The following NDUFAF5 variants were observed in gnomAD, a reference collection of about 807,000 sequenced individuals.
NDUFAF5 encodes arginine-hydroxylase NDUFAF5, mitochondrial.
A neutral mutation model predicts 48.9 loss-of-function variants in NDUFAF5; 34 were observed. The ratio of observed to expected loss-of-function variants is 0.70; its 90% CI spans 0.53 to 0.93. NDUFAF5 has a LOEUF of 0.93. Among genes scored for constraint, NDUFAF5 ranks in the 40% least tolerant of loss-of-function variants. The pLI is 0.00. For missense variants in NDUFAF5, 428 were observed against 427.5 expected, an observed-to-expected ratio of 1.00 and a Z score of -0.01; for synonymous variants, 153 against 150.6, an observed-to-expected ratio of 1.02 and a Z score of -0.12.
At chr20:13,799,888 G>A (rs76775929) in intron 6 of NDUFAF5, among the ~76,000 whole-genome samples, 6,041 of 152,152 alleles carry the variant, frequency 0.04, 185 homozygotes, top group African/African-American at 0.082. Context: ...AAGATCAAAG[G>A]GAGGAGGCAA....
chr20:13,812,220 C>G (rs1402838682), intron 8 of NDUFAF5, among the ~76,000 whole-genome samples: 2 of 152,190 alleles, frequency 1.3e-5, no homozygotes, highest in Non-Finnish European at 2.9e-5. Context: ...GAGCTTCTGT[C>G]ACTCTGCAAA....
intron 3 of NDUFAF5, among the ~76,000 whole-genome samples, chr20:13,789,219 C>G (rs1406567978): frequency 2.0e-5 from 3 of 151,928 alleles, no homozygotes; most frequent in Non-Finnish European, 4.4e-5. Context: ...GGCTGGAGTA[C>G]AGTGGCACGA....
chr20:13,821,035 C>G lies in NDUFAF5; in HGVS notation c.*3825C>G, dbSNP rs1184378820. ...GAATACATACATGACAGTTATTTTA[C>G]CATGCTGGTTTAAAAAACATCAATT... On this transcript the variant is annotated 3_prime_UTR_variant, in exon 11 of 11. Coordinates refer to ENST00000378106, the MANE Select transcript of NDUFAF5 (RefSeq NM_024120.5). 5 of 152,182 alleles carry G rather than the reference C, an allele frequency of 3.3e-5. 1 individual carries two copies. The highest frequency in any genetic ancestry group is 2.6e-4 in the Admixed American group (4 of 15,280). The allele number at this position is 152,182 out of a possible 1,614,324, so 9.4% of individuals were successfully genotyped here.
At chr20:13,808,737 G>A (rs1985429108) in intron 7 of NDUFAF5, 105 bp from the exon 8 acceptor site, 2 of 691,706 alleles carry the variant, frequency 2.9e-6, no homozygotes, top group Non-Finnish European at 5.1e-6. Context: ...AATATTTTTT[G>A]CTTAGCATGG....
In NDUFAF5 at chr20:13,818,180, GGGCTGTGTGTTA is replaced by G. The variant is rs1986713900; in HGVS notation, c.*972_*983del. The stretch of plus-strand genomic sequence containing the variant: ...TTAGCAACAAGCTGTCCATGGGTGG[GGGCTGTGTGTTA>G]GCCTGTACGTAGCACATGGGACTTT... On this transcript the variant is annotated 3_prime_UTR_variant, in exon 11 of 11. Coordinates refer to ENST00000378106, the MANE Select transcript of NDUFAF5 (RefSeq NM_024120.5). 2.2e-6 allele frequency: 1 copy of G among 453,922 alleles called. No individual in the cohort carries two copies. Among genetic ancestry groups the G allele is most frequent in the African/African-American group, 2.0e-5 (1 of 49,960 alleles). The allele number at this position is 453,922 out of a possible 1,614,324, so 28.1% of individuals were successfully genotyped here.
At chr20:13,798,570 C>G in intron 6 of NDUFAF5, 70 bp downstream of exon 6, 1 of 1,190,362 alleles carries the variant, frequency 8.4e-7, no homozygotes, top group Non-Finnish European at 1.3e-6. Context: ...ACAGATGTTT[C>G]TATTTTCACA....
chr20:13,797,584 G>A (rs1184523537), intron 5 of NDUFAF5, among the ~76,000 whole-genome samples: 1 of 152,190 alleles, frequency 6.6e-6, no homozygotes, highest in Non-Finnish European at 1.5e-5. Flanking sequence ...GGTTGTGTAG[G>A]GGAAGGATGA....
In NDUFAF5 at chr20:13,817,659, T is replaced by TA. The variant is rs1453197538; in HGVS notation, c.*452dup. ...AAATCCCTCCTCAACTCTTTTTTTT[T>TA]AAAGCATCTGAATTTAACCTTATTT... On this transcript the variant is annotated 3_prime_UTR_variant, in exon 11 of 11. Coordinates refer to ENST00000378106, the MANE Select transcript of NDUFAF5 (RefSeq NM_024120.5). 2.2e-6 allele frequency: 1 copy of TA among 454,240 alleles called. No individual in the cohort carries two copies. The highest frequency in any genetic ancestry group is 2.0e-5 in the African/African-American group (1 of 50,018). The allele number at this position is 454,240 out of a possible 1,614,324, so 28.1% of individuals were successfully genotyped here.
chr20:13,800,545 A>G (rs1350403174), intron 6 of NDUFAF5, among the ~76,000 whole-genome samples: 1 of 152,198 alleles, frequency 6.6e-6, no homozygotes, highest in African/African-American at 2.4e-5. Context: ...CTCTCTGGCC[A>G]TTATTTTCCT....
chr20:13,788,078 C>T (rs961800133), intron 2 of NDUFAF5, among the ~76,000 whole-genome samples: 1 of 152,164 alleles, frequency 6.6e-6, no homozygotes, highest in Non-Finnish European at 1.5e-5. Flanking sequence ...TAGCTTCAGA[C>T]ACTTAGCACA....
At chr20:13,789,226 ACG>A (rs1175989451) in intron 3 of NDUFAF5, among the ~76,000 whole-genome samples, 1 of 149,832 alleles carries the variant, frequency 6.7e-6, no homozygotes, top group East Asian at 2.0e-4. Context: ...GTACAGTGGC[ACG>A]ATCTCGGCTC....
intron 5 of NDUFAF5, among the ~76,000 whole-genome samples, chr20:13,795,394 T>G (rs1272449598): frequency 6.6e-6 from 1 of 152,176 alleles, no homozygotes; most frequent in Non-Finnish European, 1.5e-5. Context: ...TATATCATAT[T>G]ATCTCCACCA....
chr20:13,814,660 C>T, intron 8 of NDUFAF5: 1 of 409,450 alleles, frequency 2.4e-6, no homozygotes, highest in South Asian at 2.1e-5. Context: ...CCAGATTTTT[C>T]TGTTATCTCA....
At chr20:13,814,428 C>T (rs774265641) in intron 8 of NDUFAF5, 3 of 1,287,546 alleles carry the variant, frequency 2.3e-6, no homozygotes, top group African/African-American at 1.5e-5. Flanking sequence ...AACAAAAGTC[C>T]AGAATGTTGA....
intron 8 of NDUFAF5, among the ~76,000 whole-genome samples, chr20:13,812,254 T>A (rs1252921436): frequency 6.6e-6 from 1 of 152,184 alleles, no homozygotes; most frequent in Non-Finnish European, 1.5e-5. Flanking sequence ...AGCTGAAATC[T>A]TACCATTGTC....
At chr20:13,790,346 A>G (rs1982074597) in intron 3 of NDUFAF5, among the ~76,000 whole-genome samples, 1 of 152,226 alleles carries the variant, frequency 6.6e-6, no homozygotes, top group South Asian at 2.1e-4. Context: ...TCAACGCCAA[A>G]AAACATTTTT....
intron 8 of NDUFAF5, among the ~76,000 whole-genome samples, chr20:13,815,236 C>T (rs1236304325): frequency 6.6e-6 from 1 of 152,176 alleles, no homozygotes; most frequent in Non-Finnish European, 1.5e-5. Context: ...CAATGTGAGA[C>T]CCAGTTTACC....
chr20:13,785,194 A>C lies in NDUFAF5; in HGVS notation c.126A>C (p.Arg42Ser), dbSNP rs779861709. The change falls in exon 1 of 11, where the codon AGA becomes AGC. Residue 42 changes from arginine (R) to serine (S), a missense_variant. Coordinates refer to ENST00000378106, the MANE Select transcript of NDUFAF5 (RefSeq NM_024120.5). ...GVSPRGSTSP[R>S]TLNIFDRDLK... is the part of the protein sequence containing the mutation. ...CTCCCCGCGGTAGCACCTCGCCCAG[A>C]ACCCTGAATATTTTCGACCGGGATT... The C allele has an allele frequency of 1.6e-5, 26 of 1,613,756 alleles. No individual in the cohort carries two copies. Among genetic ancestry groups the C allele is most frequent in the Non-Finnish European group, 1.9e-5 (23 of 1,179,926 alleles).
chr20:13,798,915 A>G (rs1983679561), intron 6 of NDUFAF5, among the ~76,000 whole-genome samples: 1 of 152,196 alleles, frequency 6.6e-6, no homozygotes, highest in African/African-American at 2.4e-5. Flanking sequence ...GTATCAATAG[A>G]CAGGTGAGAG....
Sources: gnomAD v4.1 joint callset for allele counts (sites outside exome capture counted in the v4.1 genomes callset) on GRCh38, gnomAD v4.1.1 for gene constraint, MANE v1.5 for transcripts, NCBI Gene and HGNC (gene_info 2026-07-23, HGNC 2026-07-21) for gene names.